The following GPR4 variants were observed in gnomAD, a reference collection of about 807,000 sequenced individuals.
GPR4 encodes G-prodeshotein coupled receptor 4.
Under a neutral mutation model 17.8 loss-of-function variants are expected in GPR4, and 11 were observed. The ratio of observed to expected loss-of-function variants is 0.62; its 90% CI spans 0.39 to 1.02. The LOEUF is 1.02. Among genes scored for constraint, GPR4 ranks in the 50% least tolerant of loss-of-function variants. GPR4 has a pLI of 0.00. For synonymous variants in GPR4, 219 were observed against 222.8 expected, an observed-to-expected ratio of 0.98 and a Z score of 0.15; for missense variants, 364 against 495.4, an observed-to-expected ratio of 0.73 and a Z score of 2.52.
chr19:45,594,451 C>T lies in GPR4; in HGVS notation c.-831-1754G>A, dbSNP rs112564328. Among the ~76,000 whole-genome samples the T allele has an allele frequency of 5.7e-3, 863 of 151,160 alleles. 8 individuals carry two copies. The highest frequency in any genetic ancestry group is 0.019 in the African/African-American group (769 of 41,094). ...AAAAAAAAAAAAAAAAAGAGATCCT[C>T]CCACCTTGGCCTCCCAAAATGCTAG... On this transcript the variant is annotated intron_variant, in intron 1 of 1. Coordinates refer to ENST00000323040, the MANE Select transcript of GPR4 (RefSeq NM_005282.3).
intron 1 of GPR4, among the ~76,000 whole-genome samples, chr19:45,600,163 G>C (rs1031312034): frequency 1.3e-5 from 2 of 152,066 alleles, no homozygotes; most frequent in African/African-American, 4.8e-5. Flanking sequence ...ACCTCCACCT[G>C]GCCCCTAAAT....
rs139283755 is a variant in GPR4 at position 45,590,790 on chromosome 19, C to A, written c.1077G>T (p.Pro359=). Residue 359 remains proline, a synonymous_variant, in exon 2 of 2, where the codon CCG becomes CCT. Coordinates refer to ENST00000323040, the MANE Select transcript of GPR4 (RefSeq NM_005282.3). ...TGCCACTCGGGGTTCATTGTGCTGG[C>A]GGCAGCATCTTCAGCTGCACCTGGT... ...QGDQVQLKML[P]PAQ is the part of the protein sequence containing the mutation. The A allele has an allele frequency of 6.4e-7, 1 of 1,570,248 alleles. No homozygotes were observed. Among genetic ancestry groups the A allele is most frequent in the Admixed American group, 1.8e-5 (1 of 54,526 alleles).
At chr19:45,595,940 G>A (rs988204760) in intron 1 of GPR4, among the ~76,000 whole-genome samples, 1 of 152,168 alleles carries the variant, frequency 6.6e-6, no homozygotes, top group African/African-American at 2.4e-5. Context: ...CCCCAGAGAG[G>A]GGACGGAAGG....
intron 1 of GPR4, among the ~76,000 whole-genome samples, chr19:45,598,608 C>T (rs538493786): frequency 1.3e-5 from 2 of 152,218 alleles, no homozygotes; most frequent in African/African-American, 4.8e-5. Flanking sequence ...GTGAGATCTG[C>T]CCAACGTGGA....
At chr19:45,601,302 G>A (rs1253074178) in intron 1 of GPR4, among the ~76,000 whole-genome samples, 1 of 152,228 alleles carries the variant, frequency 6.6e-6, no homozygotes, top group Non-Finnish European at 1.5e-5. Flanking sequence ...CCAGGGGGGA[G>A]AGTGAGGCGG....
intron 1 of GPR4, among the ~76,000 whole-genome samples, chr19:45,596,684 A>C (rs1488313457): frequency 6.6e-6 from 1 of 151,922 alleles, no homozygotes; most frequent in African/African-American, 2.4e-5. Flanking sequence ...GGCTGGGACT[A>C]CAGGTGTGTG....
intron 1 of GPR4, among the ~76,000 whole-genome samples, chr19:45,596,939 G>A (rs1301289550): frequency 6.6e-6 from 1 of 152,206 alleles, no homozygotes; most frequent in Admixed American, 6.5e-5. Context: ...ACAAGGTTCT[G>A]TCTGACCTGC....
chr19:45,591,964 G>T lies in GPR4; in HGVS notation c.-98C>A. On this transcript the variant is annotated 5_prime_UTR_variant, in exon 2 of 2. Coordinates refer to ENST00000323040, the MANE Select transcript of GPR4 (RefSeq NM_005282.3). The surrounding 1 kb of genome is among the most constrained non-coding windows in gnomAD (Gnocchi z 7.6). ...ATGGGGCCCCCTGAGCCCCTTCCTT[G>T]GAGGCTCAGGGGAACATGGTGGGAT... The T allele has an allele frequency of 1.6e-6, 2 of 1,280,082 alleles. No individual in the cohort carries two copies. The highest frequency in any genetic ancestry group is 1.5e-5 in the South Asian group (1 of 67,176). 79.3% of individuals were successfully genotyped at this position (1,280,082 alleles called of 1,614,324 possible).
In GPR4 at chr19:45,590,815, TC is replaced by T; in HGVS notation, c.1051del (p.Asp351ThrfsTer5). ...CGGCAGCATCTTCAGCTGCACCTGG[TC>T]CCCCTGGGAGGGCGGAGTGGCCGCC... Reference protein sequence around the residue: ...SWAATPPSQGDQVQLKMLPPA... With the variant: ...SWAATPPSQGXQVQLKMLPPA... On this transcript the variant is annotated frameshift_variant, in exon 2 of 2. Coordinates refer to ENST00000323040, the MANE Select transcript of GPR4 (RefSeq NM_005282.3). LOFTEE classifies it high-confidence loss of function. The T allele has an allele frequency of 6.3e-7, 1 of 1,591,984 alleles. No homozygotes were observed. Among genetic ancestry groups the T allele is most frequent in the Non-Finnish European group, 8.6e-7 (1 of 1,168,088 alleles).
intron 1 of GPR4, among the ~76,000 whole-genome samples, chr19:45,600,174 T>A (rs1188359187): frequency 6.6e-6 from 1 of 152,028 alleles, no homozygotes; most frequent in Non-Finnish European, 1.5e-5. Flanking sequence ...GCCCCTAAAT[T>A]CTCACCACCT....
intron 1 of GPR4, among the ~76,000 whole-genome samples, chr19:45,596,930 C>T (rs962401279): frequency 2.6e-5 from 4 of 152,218 alleles, no homozygotes; most frequent in Admixed American, 1.3e-4. Context: ...TCCGGAGTCA[C>T]AAGGTTCTGT....
At chr19:45,596,203 CTT>C (rs56044839) in intron 1 of GPR4, among the ~76,000 whole-genome samples, 182 of 132,652 alleles carry the variant, frequency 1.4e-3, no homozygotes, top group African/African-American at 2.3e-3. Flanking sequence ...TTCTTTTCTT[CTT>C]TTTTTTTTTT....
At chr19:45,597,797 T>C (rs544916758) in intron 1 of GPR4, among the ~76,000 whole-genome samples, 1 of 151,884 alleles carries the variant, frequency 6.6e-6, no homozygotes, top group South Asian at 2.1e-4. Context: ...GAAGAGGTGG[T>C]CAGGGGAGAG....
chr19:45,598,524 C>T (rs1269191888), intron 1 of GPR4, among the ~76,000 whole-genome samples: 1 of 152,138 alleles, frequency 6.6e-6, no homozygotes, highest in East Asian at 1.9e-4. Context: ...CCCCTCCTCC[C>T]CAACCTGCTG....
At position 45,590,768 on chromosome 19, in the gene GPR4, C is replaced by T; in HGVS notation, c.*10G>A. On this transcript the variant is annotated 3_prime_UTR_variant, in exon 2 of 2. Transcript: ENST00000323040. ...GAGGGGAAAACTGGGGATTCTGTGCCACTCGGGGTTCATTGTGCTGGCGGC... is the reference window on the plus strand; with the variant it reads ...GAGGGGAAAACTGGGGATTCTGTGCTACTCGGGGTTCATTGTGCTGGCGGC... 1.3e-6 allele frequency: 2 copies of T among 1,548,084 alleles called. No individual in the cohort carries two copies. Among genetic ancestry groups the T allele is most frequent in the South Asian group, 1.2e-5 (1 of 80,550 alleles).
At chr19:45,599,433 C>T (rs10416789) in intron 1 of GPR4, among the ~76,000 whole-genome samples, 5 of 151,702 alleles carry the variant, frequency 3.3e-5, no homozygotes, top group Admixed American at 2.6e-4. Flanking sequence ...ACCACCCCCC[C>T]CTCCCCGCCT....
chr19:45,597,355 C>A (rs1970068072), intron 1 of GPR4, among the ~76,000 whole-genome samples: 1 of 152,172 alleles, frequency 6.6e-6, no homozygotes, highest in Non-Finnish European at 1.5e-5. Context: ...AGATGTGAGC[C>A]ACTGCTCTTC....
chr19:45,595,320 A>AAAT (rs1568417638), intron 1 of GPR4, among the ~76,000 whole-genome samples: 59 of 59,592 alleles, frequency 9.9e-4, no homozygotes, highest in Non-Finnish European at 1.6e-3. Flanking sequence ...AATAAATAAA[A>AAAT]AATAACTGGA....
At chr19:45,598,499 C>T (rs534496959) in intron 1 of GPR4, among the ~76,000 whole-genome samples, 1 of 152,096 alleles carries the variant, frequency 6.6e-6, no homozygotes, top group South Asian at 2.1e-4. Context: ...CAGCTCTCAC[C>T]CCTCCTCCCT....
Sources: allele counts gnomAD v4.1 joint callset (sites outside exome capture counted in the v4.1 genomes callset), GRCh38; gene constraint gnomAD v4.1.1; non-coding constraint Gnocchi (gnomAD v3.1); transcripts MANE v1.5; gene names NCBI Gene and HGNC (gene_info 2026-07-23, HGNC 2026-07-21).